DENND2A: variants seen among roughly 807,000 people sequenced by gnomAD.
DENND2A encodes the protein DENN domain containing 2A.
In DENND2A, 53 loss-of-function variants were observed where a neutral mutation model predicts 105.3. The observed-to-expected ratio is 0.50, with a 90% CI of 0.40 to 0.63. The LOEUF (loss-of-function observed/expected upper bound fraction) is 0.63, where lower values mean the gene tolerates loss of function less well. Ranked by LOEUF, DENND2A falls within the 30% of genes least tolerant of loss-of-function variation. DENND2A has a pLI of 0.00. For missense variants in DENND2A, 1,138 were observed against 1,279.6 expected (o/e 0.89, Z 1.69); for synonymous variants, 522 against 508.4 (o/e 1.03, Z -0.36).
intron 12 of DENND2A, among the ~76,000 whole-genome samples, chr7:140,550,011 C>T (rs971733831): frequency 6.6e-6 from 1 of 151,964 alleles, no homozygotes; most frequent in African/African-American, 2.4e-5. Flanking sequence ...CTAAGTGAAT[C>T]GAAGCCAGTC....
At chr7:140,622,745 A>C (rs1021557197) in intron 1 of DENND2A, among the ~76,000 whole-genome samples, 64 of 151,240 alleles carry the variant, frequency 4.2e-4, no homozygotes, top group African/African-American at 1.4e-3. Flanking sequence ...TCTTCTTCTT[A>C]TTTTTATGTG....
At chr7:140,528,066 C>A (rs1796128508) in intron 14 of DENND2A, among the ~76,000 whole-genome samples, 1 of 151,952 alleles carries the variant, frequency 6.6e-6, no homozygotes, top group African/African-American at 2.4e-5. Flanking sequence ...GTCTTGAACT[C>A]CTGACTTCAA....
At position 140,618,706 on chromosome 7, in the gene DENND2A, C is replaced by T. The variant is rs564794492; in HGVS notation, c.-247-12900G>A. Among the ~76,000 whole-genome samples, 22 of 152,296 alleles carry T rather than the reference C, an allele frequency of 1.4e-4. No individual in the cohort carries two copies. In the South Asian group the frequency reaches 4.4e-3, roughly 30 times the overall value. ...AACTGTTTTATACTTCTACACCATA[C>T]CACACTTCAGAAACATTTGTTAATT... is the stretch of plus-strand genomic sequence containing the variant. On this transcript the variant is annotated intron_variant, in intron 1 of 19. Transcript: ENST00000496613.
intron 16 of DENND2A, among the ~76,000 whole-genome samples, chr7:140,525,242 C>A (rs1414084786): frequency 6.6e-6 from 1 of 151,470 alleles, no homozygotes; most frequent in Admixed American, 6.6e-5. Flanking sequence ...GCAACCTCCA[C>A]CTCCTGGGTT....
chr7:140,589,662 C>T lies in DENND2A; in HGVS notation c.996-1882G>A, dbSNP rs117836110. Among the ~76,000 whole-genome samples the T allele has an allele frequency of 8.5e-5, 13 of 152,330 alleles. 1 individual carries two copies. In the East Asian group the frequency reaches 2.3e-3, roughly 27 times the overall value. Reference sequence around the variant, plus strand: ...ATTTATTTTTAGAAACAGGTTCTCCCTCTGTTGCCCAGGCTGGAGTGCAGT... The same window carrying T: ...ATTTATTTTTAGAAACAGGTTCTCCTTCTGTTGCCCAGGCTGGAGTGCAGT... On this transcript the variant is annotated intron_variant, in intron 3 of 19. Transcript: ENST00000496613.
upstream of DENND2A, among the ~76,000 whole-genome samples, chr7:140,641,153 A>G (rs1227527305): frequency 6.6e-6 from 1 of 152,134 alleles, no homozygotes; most frequent in Non-Finnish European, 1.5e-5. Context: ...CTAGGCAGTT[A>G]ACACACTCTC....
Position 140,551,024 on chromosome 7 carries a change from G to A in DENND2A, c.2038-4085C>T, listed in dbSNP as rs142133473. On this transcript the variant is annotated intron_variant, in intron 12 of 19. Transcript: ENST00000496613. ...GTAATGAAAAAAAAGCTTGTGGCCGGGCACAGTGGCTCATGCCTGTAATCC... is the reference window on the plus strand; with the variant it reads ...GTAATGAAAAAAAAGCTTGTGGCCGAGCACAGTGGCTCATGCCTGTAATCC... Among the ~76,000 whole-genome samples the A allele has an allele frequency of 5.6e-3, 851 of 151,926 alleles. 10 individuals are homozygous for A. Among genetic ancestry groups the A allele is most frequent in the African/African-American group, 0.02 (815 of 41,494 alleles).
At chr7:140,557,624 C>T (rs1293350244) in intron 11 of DENND2A, among the ~76,000 whole-genome samples, 1 of 134,780 alleles carries the variant, frequency 7.4e-6, no homozygotes, top group East Asian at 2.4e-4. Flanking sequence ...ACTGCAAGCT[C>T]CGCCTCCCGG....
chr7:140,586,002 T>A (rs1798764916), intron 4 of DENND2A, among the ~76,000 whole-genome samples: 1 of 152,118 alleles, frequency 6.6e-6, no homozygotes, highest in Admixed American at 6.6e-5. Context: ...AGGGCTCATA[T>A]TCTAAGCCTA....
intron 1 of DENND2A, among the ~76,000 whole-genome samples, chr7:140,634,057 G>A (rs908547201): frequency 1.0e-4 from 15 of 149,778 alleles, no homozygotes; most frequent in Non-Finnish European, 1.3e-4. Flanking sequence ...GGAGTGCAGT[G>A]GCGCGACCTC....
At chr7:140,578,190 A>G (rs1798386778) in intron 5 of DENND2A, among the ~76,000 whole-genome samples, 1 of 152,194 alleles carries the variant, frequency 6.6e-6, no homozygotes, top group Admixed American at 6.5e-5. Context: ...AAGCCTCTTC[A>G]GTTGTTTCAG....
At chr7:140,607,881 G>A (rs922733030) in intron 1 of DENND2A, among the ~76,000 whole-genome samples, 1 of 152,180 alleles carries the variant, frequency 6.6e-6, no homozygotes, top group Non-Finnish European at 1.5e-5. Flanking sequence ...CTAGGACAAG[G>A]TGCCAGGCTG....
At position 140,601,960 on chromosome 7, in the gene DENND2A, T is replaced by TCTTG; in HGVS notation, c.434_437dup (p.Arg146SerfsTer49). On this transcript the variant is annotated frameshift_variant, in exon 3 of 20. Coordinates refer to ENST00000496613, the MANE Select transcript of DENND2A (RefSeq NM_015689.5). LOFTEE classifies it high-confidence loss of function. ...CGTTCTGAAAGCGTAGCTTGCCAAG[T>TCTTG]CTTGGCTCTCGGCCTCGGCCCCAGC... 1 of 1,614,184 alleles carries TCTTG rather than the reference T, an allele frequency of 6.2e-7. No individual in the cohort carries two copies. The highest frequency in any genetic ancestry group is 8.5e-7 in the Non-Finnish European group (1 of 1,180,024).
intron 3 of DENND2A, among the ~76,000 whole-genome samples, chr7:140,599,323 C>T (rs1420030213): frequency 6.6e-6 from 1 of 151,336 alleles, no homozygotes; most frequent in Admixed American, 6.6e-5. Context: ...GGGCGATACT[C>T]TGTCTCGAAA....
At chr7:140,628,114 T>C (rs1051365803) in intron 1 of DENND2A, among the ~76,000 whole-genome samples, 2 of 152,172 alleles carry the variant, frequency 1.3e-5, no homozygotes, top group African/African-American at 4.8e-5. Context: ...CTTAATGAAT[T>C]AGTAATAACA....
intron 14 of DENND2A, among the ~76,000 whole-genome samples, chr7:140,535,121 G>T (rs1294180078): frequency 6.6e-6 from 1 of 152,132 alleles, no homozygotes; most frequent in Non-Finnish European, 1.5e-5. Context: ...GAAGCAGTAA[G>T]GATCCAGCAC....
At chr7:140,627,936 C>T (rs754949871) in intron 1 of DENND2A, among the ~76,000 whole-genome samples, 11 of 151,874 alleles carry the variant, frequency 7.2e-5, no homozygotes, top group African/African-American at 2.4e-4. Context: ...GAACTACAGG[C>T]GTGTACCACC....
At chr7:140,536,357 GAA>G (rs781061820) in intron 14 of DENND2A, among the ~76,000 whole-genome samples, 3 of 140,478 alleles carry the variant, frequency 2.1e-5, no homozygotes, top group African/African-American at 5.2e-5. Context: ...TCCATCTCAG[GAA>G]AAAAAAAAAA....
chr7:140,574,064 G>C (rs377407414), intron 5 of DENND2A, 56 bp from the exon 6 acceptor site: 25 of 1,589,402 alleles, frequency 1.6e-5, no homozygotes, highest in Non-Finnish European at 2.2e-5. Flanking sequence ...ACTGACCGGG[G>C]GATAACTGGT....
Sources: allele counts gnomAD v4.1 joint callset (sites outside exome capture counted in the v4.1 genomes callset), GRCh38; gene constraint gnomAD v4.1.1; transcripts MANE v1.5; gene names NCBI Gene and HGNC (gene_info 2026-07-23, HGNC 2026-07-21).